IRGM: variants seen among roughly 807,000 people sequenced by gnomAD.
The protein encoded by IRGM is immunity-related GTPase family M protein.
For synonymous variants in IRGM, 98 were observed against 80.6 expected, an observed-to-expected ratio of 1.22 and a Z score of -1.16; for missense variants, 288 against 219.9, an observed-to-expected ratio of 1.31 and a Z score of -1.96.
At chr5:150,892,410 C>G (rs1754624358) in intron 3 of IRGM, among the ~76,000 whole-genome samples, 1 of 152,012 alleles carries the variant, frequency 6.6e-6, no homozygotes, top group African/African-American at 2.4e-5. Context: ...TTTAATTAAT[C>G]TCTCCAAATT....
At chr5:150,853,746 T>C (rs1229787037) in intron 1 of IRGM, among the ~76,000 whole-genome samples, 2 of 152,070 alleles carry the variant, frequency 1.3e-5, no homozygotes, top group African/African-American at 4.8e-5. Flanking sequence ...TCAGTTCCTG[T>C]TTGCATGGAA....
At chr5:150,892,734 G>A (rs1043951942) in intron 3 of IRGM, among the ~76,000 whole-genome samples, 1 of 151,904 alleles carries the variant, frequency 6.6e-6, no homozygotes, top group Admixed American at 6.6e-5. Context: ...TTTACTTAAA[G>A]GTTTATTATT....
downstream of IRGM, among the ~76,000 whole-genome samples, chr5:150,852,520 T>C (rs1753991220): frequency 6.6e-6 from 1 of 152,170 alleles, no homozygotes; most frequent in Non-Finnish European, 1.5e-5. Context: ...ATTGAGCTGT[T>C]TGTCCACTTC....
intron 1 of IRGM, 156 bp from the exon 2 acceptor site, chr5:150,847,553 C>T (rs947195988): frequency 4.6e-5 from 7 of 153,192 alleles, no homozygotes; most frequent in Non-Finnish European, 8.7e-5. Context: ...TTCTTGCTCC[C>T]TGAAGAAATG....
chr5:150,868,060 T>G (rs982422247), intron 1 of IRGM, among the ~76,000 whole-genome samples: 1 of 152,116 alleles, frequency 6.6e-6, no homozygotes, highest in Non-Finnish European at 1.5e-5. Context: ...AAGCCAATGT[T>G]TAGAAAGGTT....
At chr5:150,884,911 GTAGTT>G (rs1456630320) in intron 3 of IRGM, among the ~76,000 whole-genome samples, 1 of 151,922 alleles carries the variant, frequency 6.6e-6, no homozygotes, top group East Asian at 1.9e-4. Context: ...CAGAAACTCT[GTAGTT>G]TAATTAGATC....
chr5:150,878,541 A>C (rs1488530119), intron 2 of IRGM, among the ~76,000 whole-genome samples: 1 of 152,096 alleles, frequency 6.6e-6, no homozygotes, highest in African/African-American at 2.4e-5. Context: ...CTTAAAATAA[A>C]AACATAGAAA....
intron 3 of IRGM, among the ~76,000 whole-genome samples, chr5:150,893,983 TTTAA>T (rs530556792): frequency 2.0e-5 from 3 of 152,184 alleles, no homozygotes; most frequent in South Asian, 4.1e-4. Context: ...GAATGGCATC[TTTAA>T]TTCTCAGTTC....
At chr5:150,851,545 T>C (rs892435396), downstream of IRGM, among the ~76,000 whole-genome samples, 3 of 152,178 alleles carry the variant, frequency 2.0e-5, no homozygotes, top group African/African-American at 7.2e-5. Flanking sequence ...ATTTTTTGTT[T>C]TGTTCCTTTG....
rs145316710 is a variant in IRGM, at chr5:150,856,533, C to T, written c.158+7879C>T. Among the ~76,000 whole-genome samples the T allele has an allele frequency of 9.4e-4, 143 of 152,158 alleles. 1 individual carries two copies. The highest frequency in any genetic ancestry group is 3.3e-3 in the African/African-American group (137 of 41,528). On this transcript the variant is annotated intron_variant and NMD_transcript_variant, in intron 1 of 3. Transcript: ENST00000520549. ...AAACATTCTATTTATATTTGTGTAT[C>T]CTCTATGTTAACTGTGATGTTGGTA...
intron 3 of IRGM, among the ~76,000 whole-genome samples, chr5:150,888,252 T>C (rs1356071198): frequency 6.6e-6 from 1 of 152,000 alleles, no homozygotes; most frequent in Non-Finnish European, 1.5e-5. Flanking sequence ...AAGGGTTCAA[T>C]TCAACAAGAA....
At chr5:150,896,121 C>A (rs866815097) in intron 3 of IRGM, 7 of 1,613,228 alleles carry the variant, frequency 4.3e-6, no homozygotes, top group Non-Finnish European at 5.1e-6. Context: ...AGTATGTATT[C>A]TCTGATGTAT....
intron 3 of IRGM, among the ~76,000 whole-genome samples, chr5:150,881,777 A>C (rs1158574066): frequency 6.6e-6 from 1 of 152,212 alleles, no homozygotes; most frequent in African/African-American, 2.4e-5. Flanking sequence ...TTTTAATGTG[A>C]TCAAAGATAA....
At chr5:150,895,833 T>C (rs2113309889) in intron 3 of IRGM, 3 of 1,613,666 alleles carry the variant, frequency 1.9e-6, no homozygotes, top group African/African-American at 2.7e-5. Context: ...CTTTCCACAT[T>C]CAGTACATTC....
At chr5:150,874,575 T>C (rs1215708044) in intron 1 of IRGM, among the ~76,000 whole-genome samples, 1 of 152,226 alleles carries the variant, frequency 6.6e-6, no homozygotes, top group East Asian at 1.9e-4. Context: ...TTTGGGTGTG[T>C]TATTCTGGCT....
At chr5:150,852,729 T>G (rs553084239), downstream of IRGM, among the ~76,000 whole-genome samples, 4 of 152,190 alleles carry the variant, frequency 2.6e-5, no homozygotes, top group African/African-American at 9.6e-5. Flanking sequence ...TTCTGGAAAC[T>G]AATCTCAACA....
chr5:150,877,734 C>T (rs2088882231), intron 1 of IRGM, among the ~76,000 whole-genome samples: 1 of 152,118 alleles, frequency 6.6e-6, no homozygotes, highest in Non-Finnish European at 1.5e-5. Flanking sequence ...TGCTTGCTAA[C>T]CCTATAGGGC....
chr5:150,865,478 T>A (rs1754194524), intron 1 of IRGM, among the ~76,000 whole-genome samples: 1 of 152,224 alleles, frequency 6.6e-6, no homozygotes, highest in African/African-American at 2.4e-5. Context: ...ATATAGATTT[T>A]AAATATTAGG....
chr5:150,893,859 A>C (rs1754661115), intron 3 of IRGM, among the ~76,000 whole-genome samples: 2 of 152,084 alleles, frequency 1.3e-5, no homozygotes, highest in African/African-American at 4.8e-5. Flanking sequence ...GATCCATTTT[A>C]TGAATGGGTT....
Sources: gnomAD v4.1 joint callset for allele counts (sites outside exome capture counted in the v4.1 genomes callset) on GRCh38, gnomAD v4.1.1 for gene constraint, MANE v1.5 for transcripts, NCBI Gene and HGNC (gene_info 2026-07-23, HGNC 2026-07-21) for gene names.